NRG3: variants seen among roughly 807,000 people sequenced by gnomAD.
NRG3 encodes pro-neuregulin-3, membrane-bound isoform.
NRG3 carries 31 observed loss-of-function variants against 66.9 expected under a neutral mutation model. The ratio of observed to expected loss-of-function variants is 0.46; its 90% CI spans 0.35 to 0.63. NRG3 has a LOEUF of 0.63. NRG3 is among the 20% of genes least tolerant of loss of function. The pLI, the probability that NRG3 is intolerant of heterozygous loss-of-function variation, is 0.00. For synonymous variants in NRG3, 393 were observed against 359.4 expected, an observed-to-expected ratio of 1.09 and a Z score of -1.06; for missense variants, 910 against 878.9, an observed-to-expected ratio of 1.04 and a Z score of -0.45.
chr10:82,841,055 G>T (rs1021287465), intron 3 of NRG3, among the ~76,000 whole-genome samples: 2 of 152,156 alleles, frequency 1.3e-5, no homozygotes, highest in Non-Finnish European at 2.9e-5. Context: ...TCTTCATAAA[G>T]AGAGAGAAAC....
intron 3 of NRG3, among the ~76,000 whole-genome samples, chr10:82,813,869 T>C: frequency 6.6e-6 from 1 of 152,140 alleles, no homozygotes; most frequent in East Asian, 1.9e-4. Flanking sequence ...CAAAGCTGTG[T>C]CTGAAGCATG....
At chr10:81,979,464 A>G (rs957670516) in intron 1 of NRG3, among the ~76,000 whole-genome samples, 1 of 152,242 alleles carries the variant, frequency 6.6e-6, no homozygotes, top group Admixed American at 6.5e-5. Context: ...CCTAGGCAGT[A>G]TGAAATGTAT....
At chr10:82,813,390 T>G (rs535188459) in intron 3 of NRG3, among the ~76,000 whole-genome samples, 2 of 151,900 alleles carry the variant, frequency 1.3e-5, no homozygotes. Flanking sequence ...ATTTTTGTAT[T>G]TTTAATAGAA....
At chr10:82,905,886 T>C (rs915213790) in intron 4 of NRG3, among the ~76,000 whole-genome samples, 2 of 152,174 alleles carry the variant, frequency 1.3e-5, no homozygotes, top group Admixed American at 1.3e-4. Flanking sequence ...CTGGGCTTCA[T>C]GTGGATGCTA....
At chr10:82,037,725 TCA>T (rs1473131933) in intron 1 of NRG3, among the ~76,000 whole-genome samples, 1 of 152,098 alleles carries the variant, frequency 6.6e-6, no homozygotes, top group Admixed American at 6.5e-5. Context: ...TTGGTGAACC[TCA>T]GTTTTCTCTT....
intron 1 of NRG3, among the ~76,000 whole-genome samples, chr10:82,201,782 TTTA>T (rs1236902960): frequency 6.6e-6 from 1 of 152,150 alleles, no homozygotes; most frequent in Non-Finnish European, 1.5e-5. Context: ...TCTGTAACAT[TTTA>T]TTAAGTATCT....
At chr10:82,758,714 A>C (rs1427789013) in intron 3 of NRG3, among the ~76,000 whole-genome samples, 3 of 152,028 alleles carry the variant, frequency 2.0e-5, no homozygotes, top group African/African-American at 7.2e-5. Context: ...TGTGTCTTGC[A>C]GTGAGTGGTC....
chr10:81,913,103 C>T (rs73304552), intron 1 of NRG3, among the ~76,000 whole-genome samples: 3,186 of 152,180 alleles, frequency 0.021, 81 homozygotes, highest in African/African-American at 0.064. Context: ...TCAGATTATA[C>T]GTATAAAACA....
chr10:82,019,043 G>T (rs1394834751), intron 1 of NRG3, among the ~76,000 whole-genome samples: 2 of 152,238 alleles, frequency 1.3e-5, no homozygotes, highest in East Asian at 3.9e-4. Context: ...TCCAGTTTTT[G>T]CCCATTGAGG....
chr10:82,735,773 G>A (rs1591360238), intron 2 of NRG3, among the ~76,000 whole-genome samples: 2 of 152,254 alleles, frequency 1.3e-5, no homozygotes, highest in East Asian at 3.9e-4. Flanking sequence ...GTGGCTAGGG[G>A]AGGGATAGCA....
At chr10:81,961,492 TGAACTA>T (rs1850359518) in intron 1 of NRG3, among the ~76,000 whole-genome samples, 1 of 152,116 alleles carries the variant, frequency 6.6e-6, no homozygotes. Flanking sequence ...AATGAACTAA[TGAACTA>T]ATGAACTAAT....
At chr10:81,932,720 C>T (rs574549257) in intron 1 of NRG3, among the ~76,000 whole-genome samples, 4 of 152,136 alleles carry the variant, frequency 2.6e-5, no homozygotes, top group African/African-American at 7.2e-5. Flanking sequence ...GATTCATTTC[C>T]AGTTTTCAGT....
At chr10:82,284,822 T>C (rs1465383457) in intron 1 of NRG3, among the ~76,000 whole-genome samples, 1 of 152,192 alleles carries the variant, frequency 6.6e-6, no homozygotes, top group Non-Finnish European at 1.5e-5. Context: ...CCTCACTCAG[T>C]ACTGGATCTT....
chr10:82,535,767 C>A (rs943830836), intron 2 of NRG3, among the ~76,000 whole-genome samples: 4 of 152,256 alleles, frequency 2.6e-5, no homozygotes, highest in South Asian at 2.1e-4. Context: ...ATTTATATTT[C>A]AAGATTAACA....
chr10:82,739,475 C>G (rs1026886632), intron 3 of NRG3, among the ~76,000 whole-genome samples: 2 of 152,118 alleles, frequency 1.3e-5, no homozygotes, highest in Admixed American at 6.5e-5. Flanking sequence ...ATCATACATA[C>G]GTAACACAGA....
chr10:82,142,799 A>C, intron 1 of NRG3, among the ~76,000 whole-genome samples: 1 of 133,338 alleles, frequency 7.5e-6, no homozygotes, highest in African/African-American at 2.8e-5. Context: ...ACAGAGCAAG[A>C]CTCTATCTAT....
At chr10:82,950,407 A>G (rs1254417723) in intron 4 of NRG3, among the ~76,000 whole-genome samples, 1 of 152,150 alleles carries the variant, frequency 6.6e-6, no homozygotes, top group East Asian at 1.9e-4. Flanking sequence ...ACAGGAAGGC[A>G]GGCTGATGAC....
chr10:82,486,553 T>A (rs1257929434), intron 2 of NRG3, among the ~76,000 whole-genome samples: 1 of 152,138 alleles, frequency 6.6e-6, no homozygotes, highest in Non-Finnish European at 1.5e-5. Context: ...TAGCTGGGAT[T>A]ACAGGCATGT....
intron 3 of NRG3, among the ~76,000 whole-genome samples, chr10:82,739,435 T>C (rs59290403): frequency 0.032 from 4,798 of 152,296 alleles, 273 homozygotes; most frequent in African/African-American, 0.11. Flanking sequence ...CATTTTGCAA[T>C]TGGAAAGGCC....
Sources: allele counts gnomAD v4.1 joint callset (sites outside exome capture counted in the v4.1 genomes callset), GRCh38; gene constraint gnomAD v4.1.1; transcripts MANE v1.5; gene names NCBI Gene and HGNC (gene_info 2026-07-23, HGNC 2026-07-21).